TRPC6: variants seen among roughly 807,000 people sequenced by gnomAD.
TRPC6 encodes the protein short transient receptor potential channel 6.
TRPC6 carries 55 observed loss-of-function variants against 90.7 expected under a neutral mutation model. That is an observed-to-expected ratio of 0.61 (90% CI 0.49 to 0.76). TRPC6 has a LOEUF of 0.76. TRPC6 is among the 30% of genes least tolerant of loss of function. The probability of loss-of-function intolerance (pLI) is 0.00; values close to 1 mark genes in which losing one functional copy is unlikely to be tolerated. For missense variants in TRPC6, 989 were observed against 1,122.7 expected, an observed-to-expected ratio of 0.88 and a Z score of 1.70; for synonymous variants, 393 against 393.0, an observed-to-expected ratio of 1.00 and a Z score of 0.00.
Position 101,452,610 on chromosome 11 carries a change from G to A in TRPC6, c.*345C>T. ...TAAACTTCAGAGGAAAAACCGCATGGGGAGTAACGTGGGTCAGCCCCTGTC... is the reference window on the plus strand; with the variant it reads ...TAAACTTCAGAGGAAAAACCGCATGAGGAGTAACGTGGGTCAGCCCCTGTC... On this transcript the variant is annotated 3_prime_UTR_variant, in exon 13 of 13. Transcript: ENST00000344327. The A allele has an allele frequency of 4.2e-6, 1 of 237,954 alleles. No homozygotes were observed. The highest frequency in any genetic ancestry group is 8.3e-6 in the Non-Finnish European group (1 of 120,744). 14.7% of individuals were successfully genotyped at this position (237,954 alleles called of 1,614,324 possible).
At chr11:101,453,830 A>G in intron 11 of TRPC6, 105 bp from the exon 12 acceptor site, 1 of 1,034,600 alleles carries the variant, frequency 9.7e-7, no homozygotes, top group Non-Finnish European at 1.5e-6. Flanking sequence ...AGCCCTTTGG[A>G]AGTGATGGCT....
chr11:101,564,915 A>G (rs1861796276), intron 1 of TRPC6, among the ~76,000 whole-genome samples: 2 of 152,060 alleles, frequency 1.3e-5, no homozygotes, highest in South Asian at 4.1e-4. Flanking sequence ...AATAAACCGA[A>G]GCATATAGGG....
chr11:101,574,232 G>A (rs540610984), intron 1 of TRPC6, among the ~76,000 whole-genome samples: 1 of 150,870 alleles, frequency 6.6e-6, no homozygotes, highest in South Asian at 2.1e-4. Flanking sequence ...TGATTCTGAA[G>A]ACTCCATCCC....
chr11:101,577,335 C>G (rs974739289), intron 1 of TRPC6, among the ~76,000 whole-genome samples: 9 of 152,092 alleles, frequency 5.9e-5, no homozygotes, highest in Admixed American at 2.0e-4. Flanking sequence ...TTAAGAAAAT[C>G]AGCCCTTTAA....
intron 1 of TRPC6, among the ~76,000 whole-genome samples, chr11:101,544,352 C>T (rs1212994054): frequency 1.3e-5 from 2 of 152,126 alleles, no homozygotes; most frequent in African/African-American, 2.4e-5. Flanking sequence ...ACTAGAAATA[C>T]CATTTGACTC....
rs748546774 is a variant in TRPC6 at position 101,504,064 on chromosome 11, T to G, written c.905A>C (p.Asn302Thr). 1 of 1,613,950 alleles carries G rather than the reference T, an allele frequency of 6.2e-7. No homozygotes were observed. The highest frequency in any genetic ancestry group is 1.7e-5 in the Admixed American group (1 of 59,994). ...AATATTGGCCAGAACTGCCAGTTCA[T>G]TGCTAAGTTCTAAAGCCGTCATGAC... ...DPVMTALELSNELAVLANIEK... is the reference protein window; with the variant it reads ...DPVMTALELSTELAVLANIEK... Residue 302 changes from asparagine to threonine, a missense_variant, in exon 2 of 13, where the codon AAT becomes ACT. Around this residue, in one of 4 missense-constraint regions of TRPC6, gnomAD observed 486 missense variants for 591.9 expected, o/e 0.82. Coordinates refer to ENST00000344327, the MANE Select transcript of TRPC6 (RefSeq NM_004621.6).
chr11:101,498,675 A>G (rs1860013091), intron 2 of TRPC6, among the ~76,000 whole-genome samples: 1 of 152,212 alleles, frequency 6.6e-6, no homozygotes, highest in African/African-American at 2.4e-5. Context: ...GAAAAGTCCC[A>G]TTCTCTGTCA....
chr11:101,531,879 C>T (rs1014773191), intron 1 of TRPC6, among the ~76,000 whole-genome samples: 2 of 152,122 alleles, frequency 1.3e-5, no homozygotes, highest in African/African-American at 2.4e-5. Context: ...ATTGTAGAAC[C>T]GCCCTAAGCA....
chr11:101,491,817 A>G (rs1859821470), intron 2 of TRPC6, 79 bp from the exon 3 acceptor site: 1 of 1,051,560 alleles, frequency 9.5e-7, no homozygotes. Flanking sequence ...GAAGGATTTT[A>G]TACTTTAAGA....
chr11:101,544,255 A>G (rs1861244162), intron 1 of TRPC6, among the ~76,000 whole-genome samples: 2 of 152,216 alleles, frequency 1.3e-5, no homozygotes, highest in Non-Finnish European at 2.9e-5. Context: ...GATATGGAGA[A>G]ATAGGAACCC....
chr11:101,577,338 C>G (rs190943884), intron 1 of TRPC6, among the ~76,000 whole-genome samples: 2 of 152,226 alleles, frequency 1.3e-5, no homozygotes, highest in Admixed American at 1.3e-4. Context: ...AGAAAATCAG[C>G]CCTTTAATTT....
At chr11:101,543,966 A>T (rs1246314944) in intron 1 of TRPC6, among the ~76,000 whole-genome samples, 1 of 152,206 alleles carries the variant, frequency 6.6e-6, no homozygotes, top group Middle Eastern at 3.2e-3. Flanking sequence ...ATGGGAGAAA[A>T]ATTTTGCAAT....
At chr11:101,507,403 A>G (rs1290129536) in intron 1 of TRPC6, among the ~76,000 whole-genome samples, 1 of 151,536 alleles carries the variant, frequency 6.6e-6, no homozygotes, top group Non-Finnish European at 1.5e-5. Flanking sequence ...GTTCTCTTTG[A>G]ATCTTCCTTT....
chr11:101,489,396 C>T (rs1343795771), intron 3 of TRPC6, among the ~76,000 whole-genome samples: 2 of 151,912 alleles, frequency 1.3e-5, no homozygotes, highest in African/African-American at 4.8e-5. Flanking sequence ...CTAAATTTTA[C>T]ATACGGCTTT....
intron 2 of TRPC6, among the ~76,000 whole-genome samples, chr11:101,495,407 G>T (rs1156317232): frequency 6.6e-6 from 1 of 151,916 alleles, no homozygotes; most frequent in East Asian, 1.9e-4. Flanking sequence ...CTTTGGAGAT[G>T]GCAGACCTGG....
chr11:101,465,571 G>C (rs940728354), intron 10 of TRPC6, among the ~76,000 whole-genome samples: 2 of 151,916 alleles, frequency 1.3e-5, no homozygotes, highest in Admixed American at 1.3e-4. Flanking sequence ...TCTTTGGCTT[G>C]TTCGATTTAT....
rs559010633 is a variant in TRPC6 at position 101,512,304 on chromosome 11, G to A, written c.171-7506C>T. Among the ~76,000 whole-genome samples, 8 of 152,246 alleles carry A rather than the reference G, an allele frequency of 5.3e-5. No homozygotes were observed. The South Asian group carries it at 1.7e-3, about 32-fold the overall frequency. ...GAGCCTGAGCTACTTGTCACTTTCA[G>A]TTGGGAGCCAGCAAAAGTGTGACTG... On this transcript the variant is annotated intron_variant, in intron 1 of 12. Transcript: ENST00000344327.
chr11:101,456,842 GT>G (rs1384832193), intron 10 of TRPC6, among the ~76,000 whole-genome samples: 2 of 152,064 alleles, frequency 1.3e-5, no homozygotes, highest in African/African-American at 4.8e-5. Flanking sequence ...TAAATACCAA[GT>G]TTTGGATGCA....
At position 101,522,690 on chromosome 11, in the gene TRPC6, A is replaced by T. The variant is rs186624884; in HGVS notation, c.171-17892T>A. On this transcript the variant is annotated intron_variant, in intron 1 of 12. Transcript: ENST00000344327. The stretch of plus-strand genomic sequence containing the variant: ...TTCATAAGAATGTAGGTTCTATGAA[A>T]GCATTTATTTTCCCCCAAAATATTC... 4.6e-5 allele frequency among the ~76,000 whole-genome samples: 7 copies of T among 152,254 alleles called. No individual in the cohort carries two copies. In the East Asian group the frequency reaches 1.4e-3, roughly 29 times the overall value.
Sources: allele counts gnomAD v4.1 joint callset (sites outside exome capture counted in the v4.1 genomes callset), GRCh38; gene constraint gnomAD v4.1.1; regional missense constraint gnomAD v4.1.1; transcripts MANE v1.5; gene names NCBI Gene and HGNC (gene_info 2026-07-23, HGNC 2026-07-21).